COL21A1: variants seen among roughly 807,000 people sequenced by gnomAD.
The protein encoded by COL21A1 is collagen alpha-1(XXI) chain.
COL21A1 carries 149 observed loss-of-function variants against 137.9 expected under a neutral mutation model. The ratio of observed to expected loss-of-function variants is 1.08; its 90% CI spans 0.95 to 1.24. COL21A1 has a LOEUF of 1.24. COL21A1 is among the 50% of genes most tolerant of loss of function. The pLI is 0.00. For missense variants in COL21A1, 1,167 were observed against 1,158.4 expected (o/e 1.01, Z -0.11); for synonymous variants, 456 against 391.5 (o/e 1.16, Z -1.95).
intron 12 of COL21A1, among the ~76,000 whole-genome samples, chr6:56,132,035 G>A (rs1321439031): frequency 1.3e-5 from 2 of 151,160 alleles, no homozygotes; most frequent in Non-Finnish European, 2.9e-5. Context: ...ACCTAAATGA[G>A]TAAGAGAAAT....
intron 1 of COL21A1, among the ~76,000 whole-genome samples, chr6:56,276,197 A>C (rs1328730484): frequency 6.6e-6 from 1 of 152,192 alleles, no homozygotes; most frequent in Non-Finnish European, 1.5e-5. Flanking sequence ...TGGGGACAAT[A>C]GACACTGTGG....
chr6:56,320,399 G>T (rs141048170), intron 1 of COL21A1, among the ~76,000 whole-genome samples: 66 of 151,954 alleles, frequency 4.3e-4, no homozygotes, highest in Non-Finnish European at 6.8e-4. Flanking sequence ...TTCAACTCAA[G>T]ATTGTATTTT....
intron 1 of COL21A1, among the ~76,000 whole-genome samples, chr6:56,246,470 CTT>C (rs5876498): frequency 4.7e-5 from 7 of 150,326 alleles, no homozygotes; most frequent in African/African-American, 9.8e-5. Flanking sequence ...CCCCAGTATG[CTT>C]TTTTTTTTTC....
At chr6:56,295,768 CT>C (rs35853045) in intron 1 of COL21A1, among the ~76,000 whole-genome samples, 40,433 of 151,574 alleles carry the variant, frequency 0.27, 6,798 homozygotes, top group Non-Finnish European at 0.38. Context: ...AAAAAATTGA[CT>C]TTTTATTAAC....
chr6:56,172,210 C>T (rs1777123529), intron 3 of COL21A1, among the ~76,000 whole-genome samples: 1 of 152,058 alleles, frequency 6.6e-6, no homozygotes, highest in African/African-American at 2.4e-5. Context: ...CCAAAGAAAT[C>T]CACACTGAGA....
intron 1 of COL21A1, among the ~76,000 whole-genome samples, chr6:56,221,760 T>C (rs1780842898): frequency 6.6e-6 from 1 of 152,118 alleles, no homozygotes; most frequent in South Asian, 2.1e-4. Flanking sequence ...ATTTATTGGA[T>C]ATTCTTCTCT....
chr6:56,171,403 A>T (rs187129549), intron 3 of COL21A1, among the ~76,000 whole-genome samples: 1 of 151,950 alleles, frequency 6.6e-6, no homozygotes, highest in Non-Finnish European at 1.5e-5. Context: ...TTGTTAATGT[A>T]TTGTCTTTAG....
intron 18 of COL21A1, among the ~76,000 whole-genome samples, chr6:56,076,617 T>C (rs1312241558): frequency 1.3e-5 from 2 of 151,416 alleles, no homozygotes; most frequent in Non-Finnish European, 3.0e-5. Flanking sequence ...AATCAATTGA[T>C]CATTCTAACA....
At chr6:56,250,428 G>A (rs6931381), upstream of COL21A1, among the ~76,000 whole-genome samples, 14,569 of 152,202 alleles carry the variant, frequency 0.096, 1,098 homozygotes, top group African/African-American at 0.21. Context: ...AACTGCCTGC[G>A]GAGGTCACAT....
rs1162019115 is a variant in COL21A1 at position 56,325,943 on chromosome 6, T to C, written c.-39+68028A>G. Among the ~76,000 whole-genome samples, 19 of 33,940 alleles carry C rather than the reference T, an allele frequency of 5.6e-4. 1 individual carries two copies. Among genetic ancestry groups the C allele is most frequent in the African/African-American group, 4.1e-3 (19 of 4,646 alleles). The allele number at this position is 33,940 out of a possible 152,430, so 22.3% of individuals were successfully genotyped here. On this transcript the variant is annotated intron_variant, in intron 1 of 28. Coordinates refer to the COL21A1 transcript ENST00000370819. ...TATATAATATATATAATATATATTA[T>C]ATATTATATAATATATATAATATAT...
intron 1 of COL21A1, among the ~76,000 whole-genome samples, chr6:56,258,443 C>T (rs531404423): frequency 3.9e-5 from 6 of 152,260 alleles, no homozygotes; most frequent in African/African-American, 1.4e-4. Flanking sequence ...CGGAGGACCT[C>T]AAATGCATCC....
At chr6:56,324,258 A>T (rs1764945248) in intron 1 of COL21A1, among the ~76,000 whole-genome samples, 1 of 152,136 alleles carries the variant, frequency 6.6e-6, no homozygotes. Context: ...TCTAAGCATA[A>T]CATGGCACAG....
chr6:56,176,208 C>T (rs942219599), intron 3 of COL21A1, among the ~76,000 whole-genome samples: 1 of 151,906 alleles, frequency 6.6e-6, no homozygotes, highest in African/African-American at 2.4e-5. Flanking sequence ...ACATCAGCCT[C>T]GTAATGATTT....
chr6:56,266,432 T>C, intron 1 of COL21A1, among the ~76,000 whole-genome samples: 1 of 152,202 alleles, frequency 6.6e-6, no homozygotes, highest in Non-Finnish European at 1.5e-5. Flanking sequence ...TGTCTACAGT[T>C]GCTTTCACAC....
intron 1 of COL21A1, among the ~76,000 whole-genome samples, chr6:56,232,496 C>T (rs1236676580): frequency 6.6e-6 from 1 of 151,842 alleles, no homozygotes; most frequent in Admixed American, 6.6e-5. Flanking sequence ...TCCTACAAAG[C>T]AGGAGATTCA....
chr6:56,098,033 A>T (rs1205217299), intron 17 of COL21A1, among the ~76,000 whole-genome samples: 2 of 54,532 alleles, frequency 3.7e-5, no homozygotes, highest in Non-Finnish European at 6.1e-5. Flanking sequence ...ATATATATGT[A>T]AATATATAAA....
intron 1 of COL21A1, among the ~76,000 whole-genome samples, chr6:56,269,611 C>T (rs1303798688): frequency 2.8e-5 from 4 of 145,228 alleles, no homozygotes; most frequent in Non-Finnish European, 6.0e-5. Context: ...GCCAAGATCC[C>T]GCCACTGCAC....
chr6:56,146,704 C>T (rs893456327), intron 10 of COL21A1, among the ~76,000 whole-genome samples: 4 of 151,940 alleles, frequency 2.6e-5, no homozygotes, highest in African/African-American at 9.7e-5. Flanking sequence ...TATACCATAT[C>T]CACAAAGCCA....
intron 1 of COL21A1, among the ~76,000 whole-genome samples, chr6:56,202,995 T>C (rs1326930025): frequency 6.6e-6 from 1 of 152,192 alleles, no homozygotes; most frequent in East Asian, 1.9e-4. Flanking sequence ...AGCCTTTTTC[T>C]CTAGCTCTAA....
Sources: gnomAD v4.1 joint callset for allele counts (sites outside exome capture counted in the v4.1 genomes callset) on GRCh38, gnomAD v4.1.1 for gene constraint, MANE v1.5 for transcripts, NCBI Gene and HGNC (gene_info 2026-07-23, HGNC 2026-07-21) for gene names.